LRRTM4: variants seen among roughly 807,000 people sequenced by gnomAD.
LRRTM4 encodes leucine-rich repeat transmembrane neuronal protein 4.
A neutral mutation model predicts 47.6 loss-of-function variants in LRRTM4; 25 were observed. The observed-to-expected ratio is 0.53, with a 90% CI of 0.38 to 0.73. The LOEUF (loss-of-function observed/expected upper bound fraction) is 0.73, where lower values mean the gene tolerates loss of function less well. Ranked by LOEUF, LRRTM4 falls within the 30% of genes least tolerant of loss-of-function variation. The pLI is 0.00. For synonymous variants in LRRTM4, 311 were observed against 269.5 expected, an observed-to-expected ratio of 1.15 and a Z score of -1.51; for missense variants, 638 against 713.4, an observed-to-expected ratio of 0.89 and a Z score of 1.20.
At chr2:76,811,203 C>A (rs949133897) in intron 3 of LRRTM4, among the ~76,000 whole-genome samples, 1 of 152,112 alleles carries the variant, frequency 6.6e-6, no homozygotes, top group Non-Finnish European at 1.5e-5. Flanking sequence ...TACTAACATG[C>A]TTAAATATAG....
At chr2:77,457,437 A>T (rs1676606012) in intron 3 of LRRTM4, among the ~76,000 whole-genome samples, 1 of 151,946 alleles carries the variant, frequency 6.6e-6, no homozygotes. Context: ...TAACCCCATT[A>T]CTTTCACTTC....
At chr2:77,127,947 TGC>T (rs1288806611) in intron 3 of LRRTM4, among the ~76,000 whole-genome samples, 2 of 152,068 alleles carry the variant, frequency 1.3e-5, no homozygotes, top group Non-Finnish European at 2.9e-5. Flanking sequence ...GTTCGAGACC[TGC>T]CTGAGCAACA....
At chr2:76,766,898 G>A (rs1209042551) in intron 3 of LRRTM4, among the ~76,000 whole-genome samples, 2 of 152,166 alleles carry the variant, frequency 1.3e-5, no homozygotes, top group African/African-American at 2.4e-5. Context: ...GATCTAAAAT[G>A]TCAAAAGTGC....
At chr2:77,088,967 C>T (rs1017247365) in intron 3 of LRRTM4, among the ~76,000 whole-genome samples, 19 of 152,086 alleles carry the variant, frequency 1.2e-4, no homozygotes, top group Admixed American at 1.2e-3. Flanking sequence ...AAAGGAGACA[C>T]GTTTTATCCG....
chr2:76,784,167 CA>C (rs1436314156), intron 3 of LRRTM4, among the ~76,000 whole-genome samples: 1 of 151,858 alleles, frequency 6.6e-6, no homozygotes, highest in Non-Finnish European at 1.5e-5. Flanking sequence ...ATTACACACA[CA>C]AAAAGGAAGC....
chr2:76,898,577 GAGTT>G (rs1303317079), intron 3 of LRRTM4, among the ~76,000 whole-genome samples: 8 of 124,742 alleles, frequency 6.4e-5, no homozygotes, highest in Admixed American at 5.7e-4. Context: ...AAAAAAAAAA[GAGTT>G]AGTACAGTAA....
intron 3 of LRRTM4, among the ~76,000 whole-genome samples, chr2:77,052,360 G>C (rs1679465466): frequency 1.3e-5 from 2 of 151,566 alleles, no homozygotes; most frequent in South Asian, 4.2e-4. Context: ...AGTAGAGATG[G>C]GTTTCATCAT....
chr2:76,748,383 C>A lies in LRRTM4; in HGVS notation c.*312G>T. On this transcript the variant is annotated 3_prime_UTR_variant, in exon 4 of 4. Transcript: ENST00000409884. ...TAGAAAAATCAAATATACAAACAAA[C>A]CTATATGTAGCTAGGGTGAAATCTA... 2 of 311,906 alleles carry A rather than the reference C, an allele frequency of 6.4e-6. No individual in the cohort carries two copies. The highest frequency in any genetic ancestry group is 1.2e-5 in the Non-Finnish European group (2 of 163,662). 19.3% of individuals were successfully genotyped at this position (311,906 alleles called of 1,614,324 possible).
intron 3 of LRRTM4, among the ~76,000 whole-genome samples, chr2:76,877,887 G>T (rs2104089998): frequency 6.6e-6 from 1 of 151,132 alleles, no homozygotes; most frequent in East Asian, 2.0e-4. Context: ...ATTCCAGAAA[G>T]AGAGAACGAA....
chr2:77,368,531 T>A (rs1268710414), intron 3 of LRRTM4, among the ~76,000 whole-genome samples: 1 of 151,846 alleles, frequency 6.6e-6, no homozygotes, highest in Non-Finnish European at 1.5e-5. Flanking sequence ...TATTTACAGA[T>A]GAGGAATCTT....
At chr2:77,465,350 G>C (rs1676943889) in intron 3 of LRRTM4, among the ~76,000 whole-genome samples, 1 of 152,172 alleles carries the variant, frequency 6.6e-6, no homozygotes, top group Non-Finnish European at 1.5e-5. Flanking sequence ...ATGTATCTGA[G>C]AAGATTGTGT....
intron 3 of LRRTM4, among the ~76,000 whole-genome samples, chr2:77,168,846 C>T (rs138672794): frequency 0.018 from 2,776 of 152,214 alleles, 77 homozygotes; most frequent in African/African-American, 0.063. Context: ...AACTTCACTT[C>T]TATCCATGTT....
chr2:77,252,046 G>A (rs540915522), intron 3 of LRRTM4, among the ~76,000 whole-genome samples: 5 of 152,252 alleles, frequency 3.3e-5, no homozygotes, highest in Non-Finnish European at 5.9e-5. Flanking sequence ...AAACTTTGAG[G>A]ACTTTAGATA....
intron 3 of LRRTM4, among the ~76,000 whole-genome samples, chr2:77,468,610 A>C (rs1389683857): frequency 6.6e-6 from 1 of 152,188 alleles, no homozygotes; most frequent in Non-Finnish European, 1.5e-5. Context: ...AGCACGGTGA[A>C]TGCCAGCACA....
intron 3 of LRRTM4, among the ~76,000 whole-genome samples, chr2:77,412,647 C>A (rs1674488758): frequency 6.6e-6 from 1 of 152,038 alleles, no homozygotes; most frequent in Admixed American, 6.6e-5. Context: ...GTAACCCTGG[C>A]CACAAGAGTA....
At chr2:76,951,205 G>T (rs1012672603) in intron 3 of LRRTM4, among the ~76,000 whole-genome samples, 1 of 152,008 alleles carries the variant, frequency 6.6e-6, no homozygotes, top group Non-Finnish European at 1.5e-5. Context: ...CAATAAAGCT[G>T]AAGTGATTAG....
At chr2:77,338,221 A>T (rs1671236173) in intron 3 of LRRTM4, among the ~76,000 whole-genome samples, 1 of 152,156 alleles carries the variant, frequency 6.6e-6, no homozygotes, top group South Asian at 2.1e-4. Flanking sequence ...CAATTGCAAC[A>T]GAAGCCAAAA....
chr2:76,781,304 T>A (rs1674374779), intron 3 of LRRTM4, among the ~76,000 whole-genome samples: 1 of 144,932 alleles, frequency 6.9e-6, no homozygotes, highest in African/African-American at 2.6e-5. Context: ...CCTGGCTGCT[T>A]TGTTTACCTA....
In LRRTM4 at chr2:77,463,930, T is replaced by C. The variant is rs572909914; in HGVS notation, c.1551+54388A>G. On this transcript the variant is annotated intron_variant, in intron 3 of 3. Transcript: ENST00000409884. ...TCCACAGTTACTAGTAAATAGTAGATAGTTAACAATTTTTTGAGTAAATTG... is the reference window on the plus strand; with the variant it reads ...TCCACAGTTACTAGTAAATAGTAGACAGTTAACAATTTTTTGAGTAAATTG... Among the ~76,000 whole-genome samples, 3 of 152,216 alleles carry C rather than the reference T, an allele frequency of 2.0e-5. No homozygotes were observed. In the East Asian group the frequency reaches 5.8e-4, roughly 29 times the overall value.
Sources: gnomAD v4.1 joint callset for allele counts (sites outside exome capture counted in the v4.1 genomes callset) on GRCh38, gnomAD v4.1.1 for gene constraint, MANE v1.5 for transcripts, NCBI Gene and HGNC (gene_info 2026-07-23, HGNC 2026-07-21) for gene names.